Variants in KATNIP observed in about 807,000 individuals in gnomAD.
KATNIP encodes katanin interacting protein.
KATNIP carries 126 observed loss-of-function variants against 174.0 expected under a neutral mutation model. The ratio of observed to expected loss-of-function variants is 0.72; its 90% confidence interval spans 0.63 to 0.84. KATNIP has a LOEUF of 0.84. Among genes scored for constraint, KATNIP ranks in the 40% least tolerant of loss-of-function variants. The pLI is 0.00. For synonymous variants in KATNIP, 810 were observed against 835.7 expected (o/e 0.97, Z 0.53); for missense variants, 1,958 against 2,109.7 (o/e 0.93, Z 1.41).
At chr16:27,576,424 C>T (rs778520182) in intron 2 of KATNIP, among the ~76,000 whole-genome samples, 1 of 151,836 alleles carries the variant, frequency 6.6e-6, no homozygotes, top group South Asian at 2.1e-4. Flanking sequence ...AGCTTTTGTT[C>T]GGTTAGAAAA....
intron 13 of KATNIP, chr16:27,718,277 C>T (rs947388562): frequency 4.6e-5 from 7 of 152,232 alleles, no homozygotes; most frequent in Non-Finnish European, 8.8e-5. Flanking sequence ...AGCCATGAAC[C>T]AAGGGCGGTA....
At position 27,776,226 on chromosome 16, in the gene KATNIP, G is replaced by C. The variant is rs2082493863; in HGVS notation, c.4450-702G>C. Among the ~76,000 whole-genome samples, 1 of 152,154 alleles carries C rather than the reference G, an allele frequency of 6.6e-6. No homozygotes were observed. Among genetic ancestry groups the C allele is most frequent in the African/African-American group, 2.4e-5 (1 of 41,418 alleles). ...TGGCATATTCTGAGGATGGTCACAG[G>C]CTGGGGACCAGGGCCTGGGGCAGGA... On this transcript the variant is annotated intron_variant, in intron 24 of 27. Coordinates refer to ENST00000261588, the MANE Select transcript of KATNIP (RefSeq NM_015202.5). This position sits in a 1 kb window ranked among gnomAD's most constrained non-coding sequence, Gnocchi z 4.7.
chr16:27,699,685 C>T lies in KATNIP; in HGVS notation c.1179+86C>T. ...CCAGGCAGAGATGAATGACAAAGCC[C>T]TATGCATGTGCATAGCACCTGATGG... On this transcript the variant is annotated intron_variant, in intron 10 of 27. Coordinates refer to ENST00000261588, the MANE Select transcript of KATNIP (RefSeq NM_015202.5). 5 of 1,583,592 alleles carry T rather than the reference C, an allele frequency of 3.2e-6. No individual in the cohort carries two copies. The African/African-American group carries it at 4.0e-5, about 13-fold the overall frequency.
At chr16:27,774,375 T>C (rs2082417145) in intron 23 of KATNIP, among the ~76,000 whole-genome samples, 1 of 152,154 alleles carries the variant, frequency 6.6e-6, no homozygotes, top group South Asian at 2.1e-4. Flanking sequence ...GCTGGAGGTT[T>C]TTATACCCAT....
intron 3 of KATNIP, among the ~76,000 whole-genome samples, chr16:27,622,440 TC>T (rs1183305994): frequency 6.6e-6 from 1 of 152,078 alleles, no homozygotes; most frequent in Non-Finnish European, 1.5e-5. Flanking sequence ...AAAGAGGTAA[TC>T]ATGCCCGACA....
chr16:27,585,868 G>A (rs573912153), intron 2 of KATNIP, among the ~76,000 whole-genome samples: 5 of 152,142 alleles, frequency 3.3e-5, no homozygotes, highest in East Asian at 1.9e-4. Context: ...TTGGGAGGCC[G>A]AGGCAGGCGG....
intron 6 of KATNIP, among the ~76,000 whole-genome samples, chr16:27,658,016 G>A (rs760037593): frequency 2.0e-5 from 3 of 152,218 alleles, no homozygotes; most frequent in Non-Finnish European, 2.9e-5. Context: ...GGGAAACTGG[G>A]TGAAGGGTAC....
intron 11 of KATNIP, among the ~76,000 whole-genome samples, chr16:27,702,168 A>G (rs1303841175): frequency 6.6e-6 from 1 of 152,210 alleles, no homozygotes; most frequent in Non-Finnish European, 1.5e-5. Context: ...TCTTTTAGGC[A>G]TATGGCTCTT....
intron 21 of KATNIP, 91 bp from the exon 22 acceptor site, chr16:27,771,497 G>A (rs1165363792): frequency 2.3e-5 from 29 of 1,285,886 alleles, no homozygotes; most frequent in Admixed American, 3.8e-5. Context: ...AAACTGCCAT[G>A]TTTCTTCAAA....
At chr16:27,747,345 G>A (rs2081329278) in intron 15 of KATNIP, among the ~76,000 whole-genome samples, 1 of 152,150 alleles carries the variant, frequency 6.6e-6, no homozygotes, top group African/African-American at 2.4e-5. Flanking sequence ...GCGGGTTAGG[G>A]AATTGTAGGA....
intron 2 of KATNIP, among the ~76,000 whole-genome samples, chr16:27,613,903 G>GT: frequency 6.6e-6 from 1 of 152,158 alleles, no homozygotes. Context: ...AAGCTAGTTT[G>GT]TTTTTTGTTG....
chr16:27,644,900 A>T (rs2076913882), intron 5 of KATNIP, among the ~76,000 whole-genome samples: 1 of 152,064 alleles, frequency 6.6e-6, no homozygotes, highest in African/African-American at 2.4e-5. Flanking sequence ...GGGCCAGGAG[A>T]GGGTGAGGTA....
At chr16:27,731,450 TA>T (rs1224909550) in intron 14 of KATNIP, among the ~76,000 whole-genome samples, 2 of 152,206 alleles carry the variant, frequency 1.3e-5, no homozygotes, top group Admixed American at 1.3e-4. Context: ...GCACTTTACA[TA>T]AATCAGCTCA....
chr16:27,635,835 A>C (rs1025312555), intron 5 of KATNIP, among the ~76,000 whole-genome samples: 3 of 152,184 alleles, frequency 2.0e-5, no homozygotes, highest in Non-Finnish European at 4.4e-5. Flanking sequence ...GCTTGCCAAC[A>C]TTTAAATTAA....
chr16:27,777,791 A>G lies in KATNIP; in HGVS notation c.4712+21A>G, dbSNP rs2082553243. The G allele has an allele frequency of 6.2e-7, 1 of 1,612,844 alleles. No individual in the cohort carries two copies. Among genetic ancestry groups the G allele is most frequent in the Non-Finnish European group, 8.5e-7 (1 of 1,179,080 alleles). On this transcript the variant is annotated intron_variant, in intron 26 of 27. Transcript: ENST00000261588. The surrounding 1 kb of genome is among the most constrained non-coding windows in gnomAD (Gnocchi z 4.4). The stretch of plus-strand genomic sequence containing the variant: ...ATCAGGTAGGGCCCCAGCCGGCCCC[A>G]TGGCCTCCCCACCAGCCCTAAGGAG...
At chr16:27,576,154 C>T (rs548487215) in intron 2 of KATNIP, among the ~76,000 whole-genome samples, 36 of 152,226 alleles carry the variant, frequency 2.4e-4, no homozygotes, top group African/African-American at 7.7e-4. Flanking sequence ...TGGAGCGGGG[C>T]GGGGGAAACT....
chr16:27,559,358 G>A (rs2089759103), intron 1 of KATNIP, among the ~76,000 whole-genome samples: 1 of 152,118 alleles, frequency 6.6e-6, no homozygotes, highest in African/African-American at 2.4e-5. Context: ...GCTGTACAGT[G>A]TCTATCAATA....
chr16:27,583,295 A>C (rs1456696077), intron 2 of KATNIP, among the ~76,000 whole-genome samples: 4 of 152,192 alleles, frequency 2.6e-5, no homozygotes, highest in African/African-American at 9.7e-5. Context: ...TGTTTTGGAT[A>C]AACAATGTGC....
At chr16:27,608,431 G>A (rs56132246) in intron 2 of KATNIP, among the ~76,000 whole-genome samples, 2 of 116,774 alleles carry the variant, frequency 1.7e-5, no homozygotes, top group East Asian at 5.1e-4. Context: ...TATTTTTGTA[G>A]AGATGGGGTC....
Sources: allele counts gnomAD v4.1 joint callset (sites outside exome capture counted in the v4.1 genomes callset), GRCh38; gene constraint gnomAD v4.1.1; non-coding constraint Gnocchi (gnomAD v3.1); transcripts MANE v1.5; gene names NCBI Gene and HGNC (gene_info 2026-07-23, HGNC 2026-07-21).